Variants in CFAP47 observed in about 807,000 individuals in gnomAD.
CFAP47 encodes the protein cilia and flagella associated protein 47, also known as cilia- and flagella-associated protein 47.
Under a neutral mutation model 148.1 loss-of-function variants are expected in CFAP47, and 29 were observed. That is an observed-to-expected ratio of 0.20 (90% CI 0.15 to 0.27). The LOEUF is 0.27. Ranked by LOEUF, CFAP47 falls within the 10% of genes least tolerant of loss-of-function variation. The pLI is 1.00. For missense variants in CFAP47, 1,872 were observed against 1,697.5 expected (o/e 1.10, Z -1.81); for synonymous variants, 664 against 577.3 (o/e 1.15, Z -2.15).
At chrX:36,264,801 A>G (rs1220957026) in intron 49 of CFAP47, among the ~76,000 whole-genome samples, 1 of 112,009 alleles carries the variant, frequency 8.9e-6, no homozygotes, top group African/African-American at 3.3e-5. Flanking sequence ...CAGGGGAGAT[A>G]ATCAGTGGAG....
Position 36,240,488 on chromosome X carries a change from G to T in CFAP47, c.7332+3629G>T, listed in dbSNP as rs965698908. Among the ~76,000 whole-genome samples the T allele has an allele frequency of 1.6e-3, 181 of 111,232 alleles. 1 individual carries two copies. The highest frequency in any genetic ancestry group is 5.4e-3 in the African/African-American group (166 of 30,668). ...ATTCTGGTGTTGACGAGTACAATGA[G>T]AATTATTAATTATACAGCCTCAACA... On this transcript the variant is annotated intron_variant, in intron 48 of 63. Coordinates refer to ENST00000378653, the MANE Select transcript of CFAP47 (RefSeq NM_001304548.2).
chrX:35,999,431 A>T (rs965063625), intron 19 of CFAP47, among the ~76,000 whole-genome samples: 1 of 112,227 alleles, frequency 8.9e-6, no homozygotes, highest in Non-Finnish European at 1.9e-5. Context: ...TGTGAGCTAC[A>T]GCTCAGATAC....
intron 60 of CFAP47, among the ~76,000 whole-genome samples, chrX:36,356,837 A>T (rs1356817776): frequency 1.8e-5 from 2 of 112,003 alleles, no homozygotes; most frequent in African/African-American, 3.2e-5. Context: ...AATTAATCAC[A>T]TACTTGTCTT....
At chrX:36,149,891 G>C (rs1939287291) in intron 37 of CFAP47, among the ~76,000 whole-genome samples, 1 of 110,296 alleles carries the variant, frequency 9.1e-6, no homozygotes, top group Admixed American at 9.8e-5. Flanking sequence ...TTACAGGCAT[G>C]AGCCACTGTG....
At chrX:36,334,702 A>C (rs1238473299) in intron 57 of CFAP47, among the ~76,000 whole-genome samples, 2 of 110,452 alleles carry the variant, frequency 1.8e-5, no homozygotes, top group Non-Finnish European at 3.8e-5. Context: ...TGTGTTGCCA[A>C]ATTTAACTAT....
intron 27 of CFAP47, among the ~76,000 whole-genome samples, chrX:36,065,956 A>G (rs1013514637): frequency 2.0e-4 from 23 of 112,518 alleles, no homozygotes; most frequent in Non-Finnish European, 2.8e-4. Context: ...AAAAGACAAT[A>G]TAGCAGAAAC....
chrX:36,324,512 A>G (rs964495910), intron 57 of CFAP47, among the ~76,000 whole-genome samples: 2 of 111,633 alleles, frequency 1.8e-5, no homozygotes, highest in Non-Finnish European at 3.8e-5. Flanking sequence ...TGTAACATGG[A>G]TAAGCTGTAT....
At chrX:36,371,877 T>C (rs1272309667) in intron 62 of CFAP47, among the ~76,000 whole-genome samples, 9 of 87,107 alleles carry the variant, frequency 1.0e-4, no homozygotes, top group Admixed American at 9.5e-4. Flanking sequence ...CACATGTGTA[T>C]ATATGTGTGC....
intron 29 of CFAP47, among the ~76,000 whole-genome samples, chrX:36,080,827 G>A (rs1374262799): frequency 9.0e-6 from 1 of 111,460 alleles, no homozygotes; most frequent in Non-Finnish European, 1.9e-5. Flanking sequence ...AATATCTAAT[G>A]TAAATGACGA....
chrX:36,324,522 T>A (rs1173917454), intron 57 of CFAP47, among the ~76,000 whole-genome samples: 1 of 111,700 alleles, frequency 9.0e-6, no homozygotes, highest in African/African-American at 3.2e-5. Flanking sequence ...ATAAGCTGTA[T>A]TAGCTTGGGC....
Position 35,997,380 on chromosome X carries a change from A to G in CFAP47, c.3168A>G (p.Glu1056=), listed in dbSNP as rs1260997868. 1.4e-5 allele frequency: 4 copies of G among 293,344 alleles called. No individual in the cohort carries two copies. Among genetic ancestry groups the G allele is most frequent in the Admixed American group, 6.2e-5 (1 of 16,011 alleles). The allele number at this position is 293,344 out of a possible 1,213,427, so 24.2% of individuals were successfully genotyped here. A position where few individuals can be genotyped will look rare whatever the true frequency, so the allele number is the denominator to read the frequency against. The change falls in exon 19 of 64, where the codon GAA becomes GAG. Residue 1056 remains glutamate, a synonymous_variant. Transcript: ENST00000378653. ...IGGSAEIADV[E]INPDVFNFSG... is the part of the protein sequence containing the mutation. ...GATCTGCTGAAATTGCTGATGTAGA[A>G]ATCAATCCTGTGAGTATGTTACTTA... is the stretch of plus-strand genomic sequence containing the variant.
intron 11 of CFAP47, 30 bp downstream of exon 11, chrX:35,970,953 A>G (rs1470568015): frequency 3.5e-6 from 4 of 1,155,022 alleles, no homozygotes; most frequent in South Asian, 2.0e-5. Flanking sequence ...AAAATATGCA[A>G]CAGATCATGG....
At chrX:36,124,825 G>T (rs1938807674) in intron 33 of CFAP47, among the ~76,000 whole-genome samples, 1 of 111,079 alleles carries the variant, frequency 9.0e-6, no homozygotes, top group Admixed American at 9.7e-5. Flanking sequence ...ATGATCAGTA[G>T]AGCCATTTAT....
At chrX:36,091,109 A>G (rs1351173665) in intron 30 of CFAP47, among the ~76,000 whole-genome samples, 4 of 111,698 alleles carry the variant, frequency 3.6e-5, no homozygotes, top group Non-Finnish European at 7.5e-5. Flanking sequence ...GCCTTGAGGT[A>G]GATTCAAAAT....
chrX:36,201,336 G>A lies in CFAP47; in HGVS notation c.6499G>A (p.Asp2167Asn). Reference protein sequence around the residue: ...KCKPYQILYVDLKLPMTNEAK... With the variant: ...KCKPYQILYVNLKLPMTNEAK... Reference sequence around the variant, plus strand: ...CAAACCCTATCAAATCCTGTATGTGGACCTTAAATTGCCAATGACTAATGA... The same window carrying A: ...CAAACCCTATCAAATCCTGTATGTGAACCTTAAATTGCCAATGACTAATGA... Residue 2167 changes from aspartate to asparagine, a missense_variant, in exon 44 of 64, where the codon GAC (aspartate) becomes AAC (asparagine). Coordinates refer to ENST00000378653, the MANE Select transcript of CFAP47 (RefSeq NM_001304548.2). 3.4e-6 allele frequency: 1 copy of A among 297,028 alleles called. No individual in the cohort carries two copies. The highest frequency in any genetic ancestry group is 6.1e-5 in the Admixed American group (1 of 16,387). The allele number at this position is 297,028 out of a possible 1,213,427, so 24.5% of individuals were successfully genotyped here.
intron 57 of CFAP47, among the ~76,000 whole-genome samples, chrX:36,332,950 T>G (rs1313472265): frequency 8.9e-6 from 1 of 112,068 alleles, no homozygotes; most frequent in Non-Finnish European, 1.9e-5. Flanking sequence ...GTGTGTTGAA[T>G]AATTAGTGGA....
intron 26 of CFAP47, among the ~76,000 whole-genome samples, chrX:36,063,263 T>C (rs1937609042): frequency 1.8e-5 from 2 of 111,638 alleles, no homozygotes; most frequent in Admixed American, 1.9e-4. Flanking sequence ...ATATTACCAT[T>C]GTCCCCTGAT....
At chrX:36,265,523 A>G (rs781976589) in intron 49 of CFAP47, among the ~76,000 whole-genome samples, 1 of 111,784 alleles carries the variant, frequency 8.9e-6, no homozygotes, top group South Asian at 3.7e-4. Flanking sequence ...CCCATTCAGT[A>G]TGATATTGGC....
chrX:36,054,556 T>G (rs1398968157), intron 26 of CFAP47, among the ~76,000 whole-genome samples: 4 of 111,702 alleles, frequency 3.6e-5, no homozygotes, highest in African/African-American at 1.3e-4. Flanking sequence ...TGTCCTTAAT[T>G]TTATGTAATT....
Sources: gnomAD v4.1 joint callset for allele counts (sites outside exome capture counted in the v4.1 genomes callset) on GRCh38, gnomAD v4.1.1 for gene constraint, MANE v1.5 for transcripts, NCBI Gene and HGNC (gene_info 2026-07-23, HGNC 2026-07-21) for gene names.